Variants in MID1 observed in about 807,000 individuals in gnomAD.
MID1 encodes the protein midline 1, also known as E3 ubiquitin-protein ligase Midline-1.
Under a neutral mutation model 40.4 loss-of-function variants are expected in MID1, and 7 were observed. The ratio of observed to expected loss-of-function variants is 0.17; its 90% CI spans 0.10 to 0.33. MID1 has a LOEUF of 0.33. Ranked by LOEUF, MID1 falls within the 10% of genes least tolerant of loss-of-function variation. MID1 has a pLI of 1.00. For synonymous variants in MID1, 229 were observed against 221.2 expected (o/e 1.04, Z -0.31); for missense variants, 367 against 558.5 (o/e 0.66, Z 3.46).
At chrX:10,688,086 T>A (rs1317598330) in intron 1 of MID1, among the ~76,000 whole-genome samples, 1 of 111,429 alleles carries the variant, frequency 9.0e-6, no homozygotes, top group Non-Finnish European at 1.9e-5. Flanking sequence ...TCTCAAACTT[T>A]TGGCCTTAAG....
At chrX:10,588,057 C>T (rs896433622) in intron 1 of MID1, among the ~76,000 whole-genome samples, 6 of 112,072 alleles carry the variant, frequency 5.4e-5, no homozygotes, top group African/African-American at 9.7e-5. Flanking sequence ...GTCCAGTTCA[C>T]AGAAAAACTG....
At chrX:10,465,214 T>TATATATATATACACACACAC (rs1477864693) in intron 7 of MID1, among the ~76,000 whole-genome samples, 17 of 39,892 alleles carry the variant, frequency 4.3e-4, no homozygotes, top group Admixed American at 5.9e-4. Context: ...TATATATATA[T>TATATATATATACACACACAC]ACACACACAC....
chrX:10,673,271 T>C (rs941545720), intron 1 of MID1, among the ~76,000 whole-genome samples: 5 of 111,448 alleles, frequency 4.5e-5, no homozygotes, highest in African/African-American at 1.6e-4. Context: ...GGGCAGAAAG[T>C]GAGGCTGTGT....
intron 1 of MID1, among the ~76,000 whole-genome samples, chrX:10,675,004 T>A (rs1279936494): frequency 8.9e-6 from 1 of 112,584 alleles, no homozygotes; most frequent in African/African-American, 3.2e-5. Flanking sequence ...TTGAAACCTA[T>A]ATTTTATAAC....
chrX:10,461,138 TACACACACACAC>T (rs200040870), intron 7 of MID1, among the ~76,000 whole-genome samples: 20 of 96,795 alleles, frequency 2.1e-4, no homozygotes, highest in South Asian at 9.3e-4. Context: ...TATCTAAAGA[TACACACACACAC>T]ACACACACAC....
chrX:10,552,372 C>T (rs1933946793), intron 2 of MID1, among the ~76,000 whole-genome samples: 1 of 110,531 alleles, frequency 9.0e-6, no homozygotes, highest in Non-Finnish European at 1.9e-5. Flanking sequence ...TCCTCAATAT[C>T]TACAGGGGAT....
intron 1 of MID1, among the ~76,000 whole-genome samples, chrX:10,736,604 T>C (rs2043489686): frequency 8.9e-6 from 1 of 112,254 alleles, no homozygotes; most frequent in Non-Finnish European, 1.9e-5. Flanking sequence ...CATGTTGACA[T>C]GTAGACTTAG....
intron 8 of MID1, among the ~76,000 whole-genome samples, chrX:10,455,887 C>A (rs1416727070): frequency 8.9e-6 from 1 of 112,028 alleles, no homozygotes. Context: ...TTAAAAAAAT[C>A]TTGGCAGAGT....
At chrX:10,501,676 T>C (rs897816110) in intron 3 of MID1, 9 of 575,583 alleles carry the variant, frequency 1.6e-5, no homozygotes, top group Non-Finnish European at 2.4e-5. Flanking sequence ...TCGGCTTCAT[T>C]AATGCTCATA....
At chrX:10,489,587 C>A (rs1930815859) in intron 4 of MID1, among the ~76,000 whole-genome samples, 1 of 111,822 alleles carries the variant, frequency 8.9e-6, no homozygotes, top group African/African-American at 3.2e-5. Context: ...ATCCTTTGAT[C>A]TATTTGTCTA....
chrX:10,651,427 G>C, intron 1 of MID1, among the ~76,000 whole-genome samples: 1 of 112,116 alleles, frequency 8.9e-6, no homozygotes, highest in East Asian at 2.8e-4. Context: ...ATTGAGCTAA[G>C]GTGTTTCTTG....
intron 1 of MID1, among the ~76,000 whole-genome samples, chrX:10,575,612 T>G (rs1934850377): frequency 9.0e-6 from 1 of 111,418 alleles, no homozygotes; most frequent in Admixed American, 9.6e-5. Flanking sequence ...ACTACCCAAA[T>G]GTTACTTTAC....
chrX:10,482,673 T>A (rs1044198178), intron 4 of MID1, 45 bp from the exon 5 acceptor site: 1 of 1,177,930 alleles, frequency 8.5e-7, no homozygotes, highest in African/African-American at 1.8e-5. Flanking sequence ...ATGGGTGGTC[T>A]TGCTTAATGA....
chrX:10,679,002 T>C (rs2043041049), intron 1 of MID1, among the ~76,000 whole-genome samples: 1 of 111,249 alleles, frequency 9.0e-6, no homozygotes, highest in African/African-American at 3.3e-5. Flanking sequence ...TATAGATGCA[T>C]GGACCCTTCC....
At chrX:10,693,943 C>A (rs1246243498) in intron 1 of MID1, among the ~76,000 whole-genome samples, 1 of 112,350 alleles carries the variant, frequency 8.9e-6, no homozygotes, top group Non-Finnish European at 1.9e-5. Context: ...AAAACCTAAC[C>A]TCTTCTATGG....
chrX:10,478,955 G>T (rs768956988), intron 5 of MID1, among the ~76,000 whole-genome samples: 11 of 111,764 alleles, frequency 9.8e-5, no homozygotes, highest in Non-Finnish European at 1.7e-4. Flanking sequence ...AAGAAGTCAT[G>T]TCCTAGAGAA....
At chrX:10,821,464 C>A (rs910443935) in intron 1 of MID1, among the ~76,000 whole-genome samples, 1 of 112,044 alleles carries the variant, frequency 8.9e-6, no homozygotes, top group African/African-American at 3.2e-5. Context: ...CTGGGAAAAA[C>A]CCTACTAGGA....
chrX:10,544,547 T>G (rs1341500948), intron 2 of MID1, among the ~76,000 whole-genome samples: 2 of 112,527 alleles, frequency 1.8e-5, no homozygotes, highest in African/African-American at 6.5e-5. Flanking sequence ...ACCAGAAGGC[T>G]TTTCAGAAGA....
At chrX:10,759,488 T>C (rs1239675630) in intron 1 of MID1, among the ~76,000 whole-genome samples, 1 of 110,900 alleles carries the variant, frequency 9.0e-6, no homozygotes, top group Non-Finnish European at 1.9e-5. Context: ...GGTGAGATAA[T>C]CTTCCTTCCT....
Sources: gnomAD v4.1 joint callset for allele counts (sites outside exome capture counted in the v4.1 genomes callset) on GRCh38, gnomAD v4.1.1 for gene constraint, MANE v1.5 for transcripts, NCBI Gene and HGNC (gene_info 2026-07-23, HGNC 2026-07-21) for gene names.